Variants in GABRG3 observed in about 807,000 individuals in gnomAD.
The protein encoded by GABRG3 is gamma-aminobutyric acid receptor subunit gamma-3.
GABRG3 carries 25 observed loss-of-function variants against 48.8 expected under a neutral mutation model. The observed-to-expected ratio is 0.51, with a 90% CI of 0.37 to 0.72. The LOEUF (loss-of-function observed/expected upper bound fraction) is 0.72. Ranked by LOEUF, GABRG3 falls within the 30% of genes least tolerant of loss-of-function variation. The pLI is 0.00. For missense variants in GABRG3, 394 were observed against 577.9 expected, an observed-to-expected ratio of 0.68 and a Z score of 3.26; for synonymous variants, 227 against 217.6, an observed-to-expected ratio of 1.04 and a Z score of -0.38.
At chr15:27,063,055 C>T (rs1379247465) in intron 3 of GABRG3, among the ~76,000 whole-genome samples, 1 of 152,282 alleles carries the variant, frequency 6.6e-6, no homozygotes, top group East Asian at 1.9e-4. Flanking sequence ...ACGCGTGATG[C>T]GTTTTCCCCC....
At chr15:27,113,110 A>G (rs1897581856) in intron 3 of GABRG3, among the ~76,000 whole-genome samples, 1 of 151,376 alleles carries the variant, frequency 6.6e-6, no homozygotes, top group Admixed American at 6.6e-5. Flanking sequence ...TTGGGCCTAT[A>G]TTTTTTCAAC....
chr15:27,504,610 G>A (rs1310084760), intron 6 of GABRG3, among the ~76,000 whole-genome samples: 1 of 152,092 alleles, frequency 6.6e-6, no homozygotes, highest in Non-Finnish European at 1.5e-5. Context: ...TAAATAGGAT[G>A]AAAATAAACT....
At chr15:27,327,118 C>A in intron 4 of GABRG3, 89 bp downstream of exon 4, 2 of 1,150,102 alleles carry the variant, frequency 1.7e-6, no homozygotes, top group Non-Finnish European at 2.5e-6. Flanking sequence ...CTATTTTCAT[C>A]TCTAAGTCTA....
intron 2 of GABRG3, among the ~76,000 whole-genome samples, chr15:27,011,105 G>A (rs1312523828): frequency 6.6e-6 from 1 of 152,106 alleles, no homozygotes; most frequent in Non-Finnish European, 1.5e-5. Context: ...GACCTCAAGT[G>A]ATCTTCCCGC....
At chr15:27,336,429 T>C (rs1595686200) in intron 5 of GABRG3, among the ~76,000 whole-genome samples, 1 of 152,222 alleles carries the variant, frequency 6.6e-6, no homozygotes, top group African/African-American at 2.4e-5. Flanking sequence ...AGATGTTCAA[T>C]GTCATCAGCT....
At chr15:26,993,647 T>C (rs780444436) in intron 2 of GABRG3, among the ~76,000 whole-genome samples, 1 of 152,060 alleles carries the variant, frequency 6.6e-6, no homozygotes, top group Non-Finnish European at 1.5e-5. Flanking sequence ...GTATGATCCA[T>C]GTGTTGAGGA....
intron 5 of GABRG3, chr15:27,428,067 T>A (rs1888344609): frequency 6.6e-6 from 1 of 152,444 alleles, no homozygotes; most frequent in Non-Finnish European, 1.5e-5. Context: ...TAATTTTTCT[T>A]TTGTAGAGAT....
At chr15:27,307,454 GGTTTATATA>G (rs1892646417) in intron 3 of GABRG3, among the ~76,000 whole-genome samples, 3 of 64,164 alleles carry the variant, frequency 4.7e-5, no homozygotes, top group East Asian at 2.8e-4. Context: ...TAAACATATA[GGTTTATATA>G]TTTATATATA....
intron 3 of GABRG3, among the ~76,000 whole-genome samples, chr15:27,308,508 C>CATAT (rs906346315): frequency 1.4e-5 from 2 of 146,560 alleles, no homozygotes; most frequent in Admixed American, 6.9e-5. Flanking sequence ...TTTATATAAA[C>CATAT]ATAATGTAAA....
At chr15:27,406,086 G>A (rs1020209925) in intron 5 of GABRG3, among the ~76,000 whole-genome samples, 2 of 152,052 alleles carry the variant, frequency 1.3e-5, no homozygotes, top group African/African-American at 4.8e-5. Context: ...GAACCCATGA[G>A]TTTGAGACCA....
intron 3 of GABRG3, among the ~76,000 whole-genome samples, chr15:27,212,313 A>C (rs1889104784): frequency 6.6e-6 from 1 of 152,208 alleles, no homozygotes; most frequent in South Asian, 2.1e-4. Context: ...TAAGGCATTT[A>C]AATGATCAAG....
chr15:27,234,165 A>G (rs1889887029), intron 3 of GABRG3, among the ~76,000 whole-genome samples: 1 of 152,174 alleles, frequency 6.6e-6, no homozygotes, highest in African/African-American at 2.4e-5. Context: ...ATTCTGTCTA[A>G]TTCTATTCTG....
intron 5 of GABRG3, among the ~76,000 whole-genome samples, chr15:27,354,232 G>C (rs34201738): frequency 6.6e-6 from 1 of 152,104 alleles, no homozygotes; most frequent in East Asian, 1.9e-4. Context: ...ATAGAAAACT[G>C]ACAGCATTTG....
intron 3 of GABRG3, among the ~76,000 whole-genome samples, chr15:27,275,095 C>T (rs1891210700): frequency 6.6e-6 from 1 of 152,124 alleles, no homozygotes; most frequent in Non-Finnish European, 1.5e-5. Flanking sequence ...AGTGAATTTG[C>T]TTAACCATGA....
chr15:27,441,570 C>A (rs1888785598), intron 5 of GABRG3, among the ~76,000 whole-genome samples: 2 of 152,208 alleles, frequency 1.3e-5, no homozygotes, highest in African/African-American at 2.4e-5. Context: ...CATCACAGAG[C>A]AATTCCTGCA....
intron 6 of GABRG3, among the ~76,000 whole-genome samples, chr15:27,519,580 G>A (rs1891110112): frequency 6.6e-6 from 1 of 152,166 alleles, no homozygotes; most frequent in Non-Finnish European, 1.5e-5. Context: ...CATTGGAAAA[G>A]CATCCCTTAA....
chr15:27,236,752 C>T lies in GABRG3; in HGVS notation c.271-90057C>T, dbSNP rs1005559991. Reference sequence around the variant, plus strand: ...GTTTGACATCAGAGGGCCAAAAACTCTATCCTCGGATCATGCGAACACTGC... The same window carrying T: ...GTTTGACATCAGAGGGCCAAAAACTTTATCCTCGGATCATGCGAACACTGC... On this transcript the variant is annotated intron_variant, in intron 3 of 9. Transcript: ENST00000615808. This position sits in a 1 kb window ranked among gnomAD's most constrained non-coding sequence, Gnocchi z 4.4. 3.3e-5 allele frequency among the ~76,000 whole-genome samples: 5 copies of T among 152,206 alleles called. No individual in the cohort carries two copies. Among genetic ancestry groups the T allele is most frequent in the Admixed American group, 3.3e-4 (5 of 15,288 alleles).
intron 5 of GABRG3, among the ~76,000 whole-genome samples, chr15:27,439,903 G>A (rs1000423554): frequency 6.6e-6 from 1 of 152,204 alleles, no homozygotes; most frequent in Non-Finnish European, 1.5e-5. Context: ...TCTGGCACCA[G>A]AGACCTTATT....
intron 3 of GABRG3, among the ~76,000 whole-genome samples, chr15:27,041,095 G>A (rs189948169): frequency 5.9e-5 from 9 of 152,270 alleles, no homozygotes; most frequent in Admixed American, 1.3e-4. Flanking sequence ...ACTGAAAAGA[G>A]ACAAATTTAG....
Sources: gnomAD v4.1 joint callset for allele counts (sites outside exome capture counted in the v4.1 genomes callset) on GRCh38, gnomAD v4.1.1 for gene constraint, Gnocchi (gnomAD v3.1) non-coding constraint, MANE v1.5 for transcripts, NCBI Gene and HGNC (gene_info 2026-07-23, HGNC 2026-07-21) for gene names.